B4GALT7: variants seen among roughly 807,000 people sequenced by gnomAD.
B4GALT7 encodes the protein beta-1,4-galactosyltransferase 7, also known as UDP-Gal:beta-GlcNAc beta-1,4-galactosyltransferase 7.
In B4GALT7, 30 loss-of-function variants were observed where a neutral mutation model predicts 33.0. The observed-to-expected ratio is 0.91, with a 90% confidence interval of 0.68 to 1.23. The LOEUF (loss-of-function observed/expected upper bound fraction) is 1.23. Ranked by LOEUF, B4GALT7 falls within the 50% of genes most tolerant of loss-of-function variation. B4GALT7 has a pLI of 0.00. For missense variants in B4GALT7, 507 were observed against 450.8 expected (o/e 1.12, Z -1.13); for synonymous variants, 213 against 187.2 (o/e 1.14, Z -1.13).
At position 177,608,477 on chromosome 5, in the gene B4GALT7, G is replaced by A. The variant is rs1768077558; in HGVS notation, c.640-62G>A. Reference sequence around the variant, plus strand: ...GGAGAGGGGCACTCCCGAGCGGTAGGAGACCAAAGGCCCCCCCCCCCGGGA... The same window carrying A: ...GGAGAGGGGCACTCCCGAGCGGTAGAAGACCAAAGGCCCCCCCCCCCGGGA... On this transcript the variant is annotated intron_variant, in intron 3 of 5. Transcript: ENST00000029410. This position sits in a 1 kb window ranked among gnomAD's most constrained non-coding sequence, Gnocchi z 4.1. The A allele has an allele frequency of 5.4e-6, 8 of 1,492,122 alleles. No homozygotes were observed. Among genetic ancestry groups the A allele is most frequent in the South Asian group, 1.1e-5 (1 of 88,542 alleles). 92.4% of individuals were successfully genotyped at this position (1,492,122 alleles called of 1,614,324 possible). A position where few individuals can be genotyped will look rare whatever the true frequency, so the allele number is the denominator to read the frequency against.
intron 3 of B4GALT7, 72 bp downstream of exon 3, chr5:177,607,599 G>T (rs1383484983): frequency 1.6e-5 from 23 of 1,452,402 alleles, no homozygotes; most frequent in Non-Finnish European, 2.2e-5. Flanking sequence ...GGAAGGATGG[G>T]GCAGTGCCTC....
rs963622680 is a variant in B4GALT7, at chr5:177,600,285, C to T, written c.50+25C>T. ...GGTGAGCGGCGGCGGTGGGCCCGGGCCCCGTCCTCCCGGGCGCCGCTCCCT... is the reference window on the plus strand; with the variant it reads ...GGTGAGCGGCGGCGGTGGGCCCGGGTCCCGTCCTCCCGGGCGCCGCTCCCT... On this transcript the variant is annotated intron_variant, in intron 1 of 5. Coordinates refer to ENST00000029410, the MANE Select transcript of B4GALT7 (RefSeq NM_007255.3). This position sits in a 1 kb window ranked among gnomAD's most constrained non-coding sequence, Gnocchi z 4.4. 2.3e-6 allele frequency: 3 copies of T among 1,300,846 alleles called. No individual in the cohort carries two copies. The highest frequency in any genetic ancestry group is 1.5e-5 in the African/African-American group (1 of 64,846). The allele number at this position is 1,300,846 out of a possible 1,614,324, so 80.6% of individuals were successfully genotyped here.
Position 177,608,653 on chromosome 5 carries a change from AGCTGCG to A in B4GALT7, c.723+33_723+38del. ...ATTCCCCGGGCCCCGCCGCCACCTC[AGCTGCG>A]GTGGCTGCCCTGAGATTTTCTTCTG... On this transcript the variant is annotated intron_variant, in intron 4 of 5. Transcript: ENST00000029410. This position sits in a 1 kb window ranked among gnomAD's most constrained non-coding sequence, Gnocchi z 4.1. The A allele has an allele frequency of 6.3e-7, 1 of 1,591,520 alleles. No individual in the cohort carries two copies. The highest frequency in any genetic ancestry group is 8.6e-7 in the Non-Finnish European group (1 of 1,161,562).
At chr5:177,607,605 G>A in intron 3 of B4GALT7, 78 bp downstream of exon 3, 1 of 1,389,312 alleles carries the variant, frequency 7.2e-7, no homozygotes, top group Non-Finnish European at 1.0e-6. Context: ...ATGGGGCAGT[G>A]CCTCTGGGGC....
At position 177,608,446 on chromosome 5, in the gene B4GALT7, G is replaced by A. The variant is rs370663338; in HGVS notation, c.640-93G>A. ...AAGCACCCGGGGCTTATTCAGAGGC[G>A]CTGGGGGAGAGGGGCACTCCCGAGC... is the stretch of plus-strand genomic sequence containing the variant. On this transcript the variant is annotated intron_variant, in intron 3 of 5. Transcript: ENST00000029410. The surrounding 1 kb of genome is among the most constrained non-coding windows in gnomAD (Gnocchi z 4.1). The A allele has an allele frequency of 1.7e-4, 197 of 1,171,832 alleles. 1 individual carries two copies. The highest frequency in any genetic ancestry group is 6.4e-4 in the Middle Eastern group (3 of 4,656). The allele number at this position is 1,171,832 out of a possible 1,614,324, so 72.6% of individuals were successfully genotyped here.
chr5:177,602,832 A>G (rs1402812861), intron 1 of B4GALT7: 1 of 983,522 alleles, frequency 1.0e-6, no homozygotes, highest in African/African-American at 1.8e-5. Context: ...AGGGCAAGGA[A>G]CAGATGAGTG....
intron 2 of B4GALT7, chr5:177,605,207 C>T: frequency 2.8e-6 from 1 of 360,354 alleles, no homozygotes; most frequent in South Asian, 2.0e-5. Flanking sequence ...ATCATTAAAA[C>T]CCTCCCTGGC....
In B4GALT7 at chr5:177,600,299, G is replaced by A; in HGVS notation, c.50+39G>A. ...GTGGGCCCGGGCCCCGTCCTCCCGG[G>A]CGCCGCTCCCTTCTCGGCCGCCGGC... is the stretch of plus-strand genomic sequence containing the variant. On this transcript the variant is annotated intron_variant, in intron 1 of 5. Transcript: ENST00000029410. This position sits in a 1 kb window ranked among gnomAD's most constrained non-coding sequence, Gnocchi z 4.4. The A allele has an allele frequency of 7.7e-7, 1 of 1,293,206 alleles. No homozygotes were observed. 80.1% of individuals were successfully genotyped at this position (1,293,206 alleles called of 1,614,324 possible).
rs751528382 is a variant in B4GALT7, at chr5:177,608,512, G to A, written c.640-27G>A. The A allele has an allele frequency of 1.6e-5, 26 of 1,588,470 alleles. No individual in the cohort carries two copies. The highest frequency in any genetic ancestry group is 3.3e-4 in the Middle Eastern group (2 of 5,986). On this transcript the variant is annotated intron_variant, in intron 3 of 5. Coordinates refer to ENST00000029410, the MANE Select transcript of B4GALT7 (RefSeq NM_007255.3). This position sits in a 1 kb window ranked among gnomAD's most constrained non-coding sequence, Gnocchi z 4.1. ...GCCCCCCCCCCCGGGAAGATGGGCC[G>A]AGTGACGCTGCTTGTCTCTGTGTCA... is the stretch of plus-strand genomic sequence containing the variant.
rs1767916199 is a variant in B4GALT7 at position 177,604,245 on chromosome 5, C to T, written c.117C>T (p.Leu39=). 6.2e-7 allele frequency: 1 copy of T among 1,613,808 alleles called. No individual in the cohort carries two copies. The highest frequency in any genetic ancestry group is 8.5e-7 in the Non-Finnish European group (1 of 1,179,926). Residue 39 remains leucine, a synonymous_variant, in exon 2 of 6, where the codon CTC becomes CTT. Transcript: ENST00000029410. ...CSVFHLFVAC[L]SLGFFSLLWL... ...TCTTCCACCTGTTCGTGGCCTGCCT[C>T]TCGCTGGGCTTCTTCTCCCTACTCT...
rs975191694 is a variant in B4GALT7 at position 177,604,382 on chromosome 5, A to G, written c.254A>G (p.Glu85Gly). 4 of 1,613,140 alleles carry G rather than the reference A, an allele frequency of 2.5e-6. No individual in the cohort carries two copies. The African/African-American group carries it at 5.3e-5, about 22-fold the overall frequency. ...CCAGAGCCGCCCCCTGAGCACTGGG[A>G]AGAAGACGCATCCTGGGGCCCCCAC... ...CPPEPPPEHW[E>G]EDASWGPHRL... The change falls in exon 2 of 6, where the codon GAA becomes GGA. Residue 85 changes from glutamate to glycine, a missense_variant. By Grantham distance (98) the Glu-to-Gly change is moderately conservative. Transcript: ENST00000029410.
rs561872800 is a variant in B4GALT7, at chr5:177,609,626, C to T, written c.915C>T (p.Ala305=). 4 of 1,613,992 alleles carry T rather than the reference C, an allele frequency of 2.5e-6. No individual in the cohort carries two copies. Among genetic ancestry groups the T allele is most frequent in the African/African-American group, 1.3e-5 (1 of 75,046 alleles). ...ASRTALSVGG[A]PCTVLNIMLD... is the part of the protein sequence containing the mutation. ...GCACTGCCCTGTCTGTGGGCGGGGC[C>T]CCCTGCACTGTCCTCAACATCATGT... Residue 305 remains alanine, a synonymous_variant, in exon 6 of 6, where the codon GCC becomes GCT. Transcript: ENST00000029410.
At position 177,608,496 on chromosome 5, in the gene B4GALT7, C is replaced by A. The variant is rs201915523; in HGVS notation, c.640-43C>A. 3.8e-5 allele frequency: 60 copies of A among 1,562,682 alleles called. No homozygotes were observed. The highest frequency in any genetic ancestry group is 3.4e-4 in the Middle Eastern group (2 of 5,892). On this transcript the variant is annotated intron_variant, in intron 3 of 5. Coordinates refer to ENST00000029410, the MANE Select transcript of B4GALT7 (RefSeq NM_007255.3). This position sits in a 1 kb window ranked among gnomAD's most constrained non-coding sequence, Gnocchi z 4.1. ...CGGTAGGAGACCAAAGGCCCCCCCC[C>A]CCGGGAAGATGGGCCGAGTGACGCT...
chr5:177,609,471 T>C (rs1768112967), intron 5 of B4GALT7, 69 bp from the exon 6 acceptor site: 2 of 1,583,310 alleles, frequency 1.3e-6, no homozygotes, highest in Non-Finnish European at 1.7e-6. Flanking sequence ...GGCGAGGTTG[T>C]GTGGGGTCAG....
At chr5:177,603,762 T>C (rs1767901566) in intron 1 of B4GALT7, among the ~76,000 whole-genome samples, 1 of 151,924 alleles carries the variant, frequency 6.6e-6, no homozygotes, top group Non-Finnish European at 1.5e-5. Flanking sequence ...TGGAAAGCAG[T>C]GGGTTGCATC....
chr5:177,601,218 T>C (rs1227916035), intron 1 of B4GALT7, among the ~76,000 whole-genome samples: 3 of 152,216 alleles, frequency 2.0e-5, no homozygotes, highest in Non-Finnish European at 4.4e-5. Context: ...AAGCGTGGAC[T>C]AGCGTTCGAC....
At chr5:177,601,457 A>G (rs1470526173) in intron 1 of B4GALT7, 1 of 152,250 alleles carries the variant, frequency 6.6e-6, no homozygotes, top group Non-Finnish European at 1.5e-5. Flanking sequence ...GCAGCTGAGG[A>G]TTCAAACCTC....
Position 177,608,444 on chromosome 5 carries a change from G to A in B4GALT7, c.640-95G>A, listed in dbSNP as rs1768076156. On this transcript the variant is annotated intron_variant, in intron 3 of 5. Coordinates refer to ENST00000029410, the MANE Select transcript of B4GALT7 (RefSeq NM_007255.3). This position sits in a 1 kb window ranked among gnomAD's most constrained non-coding sequence, Gnocchi z 4.1. ...GCAAGCACCCGGGGCTTATTCAGAGGCGCTGGGGGAGAGGGGCACTCCCGA... is the reference window on the plus strand; with the variant it reads ...GCAAGCACCCGGGGCTTATTCAGAGACGCTGGGGGAGAGGGGCACTCCCGA... The A allele has an allele frequency of 1.0e-5, 12 of 1,143,662 alleles. No homozygotes were observed. The highest frequency in any genetic ancestry group is 3.5e-5 in the Admixed American group (2 of 57,566). The allele number at this position is 1,143,662 out of a possible 1,614,324, so 70.8% of individuals were successfully genotyped here. A position where few individuals can be genotyped will look rare whatever the true frequency, so the allele number is the denominator to read the frequency against.
chr5:177,607,230 C>T lies in B4GALT7; in HGVS notation c.414-72C>T, dbSNP rs572655129. The T allele has an allele frequency of 1.6e-5, 23 of 1,395,340 alleles. No homozygotes were observed. The East Asian group carries it at 5.5e-4, about 33-fold the overall frequency. The allele number at this position is 1,395,340 out of a possible 1,614,324, so 86.4% of individuals were successfully genotyped here. A position where few individuals can be genotyped will look rare whatever the true frequency, so the allele number is the denominator to read the frequency against. On this transcript the variant is annotated intron_variant, in intron 2 of 5. Coordinates refer to ENST00000029410, the MANE Select transcript of B4GALT7 (RefSeq NM_007255.3). ...GGGCAGCATAGGCACCATGGGGACC[C>T]CCGGGTGGGTGCTGAGCCCCAGGCA...
Sources: allele counts gnomAD v4.1 joint callset (sites outside exome capture counted in the v4.1 genomes callset), GRCh38; gene constraint gnomAD v4.1.1; non-coding constraint Gnocchi (gnomAD v3.1); transcripts MANE v1.5; gene names NCBI Gene and HGNC (gene_info 2026-07-23, HGNC 2026-07-21).